The following PARD3B variants were observed in gnomAD, a reference collection of about 807,000 sequenced individuals.
PARD3B encodes the protein partitioning defective 3 homolog B.
In PARD3B, 103 loss-of-function variants were observed where a neutral mutation model predicts 130.2. The observed-to-expected ratio is 0.79, with a 90% CI of 0.67 to 0.93. The LOEUF is 0.93. Among genes scored for constraint, PARD3B ranks in the 40% least tolerant of loss-of-function variants. The pLI, the probability that PARD3B is intolerant of heterozygous loss-of-function variation, is 0.00. For missense variants in PARD3B, 1,609 were observed against 1,499.2 expected (o/e 1.07, Z -1.21); for synonymous variants, 583 against 553.2 (o/e 1.05, Z -0.76).
chr2:205,227,057 G>GA (rs571033759), intron 15 of PARD3B, among the ~76,000 whole-genome samples: 2 of 147,782 alleles, frequency 1.4e-5, no homozygotes, highest in African/African-American at 5.0e-5. Flanking sequence ...TAATTTCAGG[G>GA]TTTTTTTTTT....
chr2:205,030,998 T>C (rs1046311925), intron 3 of PARD3B, among the ~76,000 whole-genome samples: 1 of 152,206 alleles, frequency 6.6e-6, no homozygotes. Flanking sequence ...GAAGACCATT[T>C]AAAAGCTACT....
chr2:205,339,266 T>C (rs1034078652), intron 18 of PARD3B, among the ~76,000 whole-genome samples: 2 of 152,272 alleles, frequency 1.3e-5, no homozygotes, highest in East Asian at 3.9e-4. Context: ...CAACACAAAA[T>C]AAGAAGAAAT....
intron 16 of PARD3B, among the ~76,000 whole-genome samples, chr2:205,271,603 T>A (rs1163803991): frequency 1.3e-5 from 2 of 152,202 alleles, no homozygotes; most frequent in Non-Finnish European, 2.9e-5. Flanking sequence ...TTGGAAAGTA[T>A]GTGAGCTTAG....
intron 18 of PARD3B, among the ~76,000 whole-genome samples, chr2:205,370,602 G>A (rs1265896931): frequency 6.6e-6 from 1 of 152,144 alleles, no homozygotes; most frequent in Non-Finnish European, 1.5e-5. Context: ...ATTGCCAGGA[G>A]GAAGACACAG....
At chr2:204,641,006 A>T (rs2035058573) in intron 1 of PARD3B, among the ~76,000 whole-genome samples, 1 of 147,976 alleles carries the variant, frequency 6.8e-6, no homozygotes, top group South Asian at 2.1e-4. Context: ...CTGTACATAT[A>T]TATGAAAGTA....
chr2:205,178,268 A>AT (rs796521556), intron 13 of PARD3B, among the ~76,000 whole-genome samples: 16 of 149,730 alleles, frequency 1.1e-4, no homozygotes, highest in South Asian at 4.2e-4. Context: ...TAGTATACAG[A>AT]TAAAAAAAAA....
chr2:205,438,210 A>G (rs115115851), intron 19 of PARD3B, among the ~76,000 whole-genome samples: 37 of 152,288 alleles, frequency 2.4e-4, no homozygotes, highest in Non-Finnish European at 3.7e-4. Flanking sequence ...AAGATAAAAT[A>G]TTGCTTGGCA....
chr2:204,970,742 A>G (rs1402874743), intron 3 of PARD3B, among the ~76,000 whole-genome samples: 2 of 152,250 alleles, frequency 1.3e-5, no homozygotes, highest in African/African-American at 4.8e-5. Flanking sequence ...TTTTCAGGAT[A>G]AAAAGTACTT....
At chr2:204,591,064 T>C (rs1574510379) in intron 1 of PARD3B, among the ~76,000 whole-genome samples, 1 of 152,334 alleles carries the variant, frequency 6.6e-6, no homozygotes, top group East Asian at 1.9e-4. Context: ...GATTGCCTAC[T>C]TTGTCTTTTG....
intron 1 of PARD3B, among the ~76,000 whole-genome samples, chr2:204,580,700 T>G (rs1481225848): frequency 7.2e-5 from 11 of 152,192 alleles, no homozygotes; most frequent in Non-Finnish European, 1.6e-4. Flanking sequence ...ATATAAGTAT[T>G]GTCCACGTAT....
chr2:205,437,152 G>A (rs1375875523), intron 19 of PARD3B, among the ~76,000 whole-genome samples: 1 of 152,138 alleles, frequency 6.6e-6, no homozygotes, highest in Non-Finnish European at 1.5e-5. Flanking sequence ...TCCGCCTTTA[G>A]GGCTGAGTCC....
At chr2:204,992,560 G>A (rs921316670) in intron 3 of PARD3B, among the ~76,000 whole-genome samples, 1 of 144,200 alleles carries the variant, frequency 6.9e-6, no homozygotes, top group Non-Finnish European at 1.5e-5. Context: ...TGGCGATGCG[G>A]GCTCTTTTTT....
chr2:204,573,717 C>T (rs1341500344), intron 1 of PARD3B, among the ~76,000 whole-genome samples: 1 of 152,170 alleles, frequency 6.6e-6, no homozygotes, highest in Non-Finnish European at 1.5e-5. Flanking sequence ...CATTGAAATA[C>T]ACATCACTGT....
At chr2:205,257,921 C>G (rs1034302629) in intron 16 of PARD3B, among the ~76,000 whole-genome samples, 1 of 152,172 alleles carries the variant, frequency 6.6e-6, no homozygotes, top group Non-Finnish European at 1.5e-5. Context: ...GACCTACACC[C>G]TGGGTGCCTT....
intron 18 of PARD3B, among the ~76,000 whole-genome samples, chr2:205,383,134 AGATAGATC>A (rs776572709): frequency 0.016 from 2,158 of 139,202 alleles, 28 homozygotes; most frequent in Middle Eastern, 0.029. Flanking sequence ...ATAGATAGAT[AGATAGATC>A]GATCTAAACT....
intron 3 of PARD3B, among the ~76,000 whole-genome samples, chr2:204,980,009 A>G (rs967106127): frequency 6.6e-6 from 1 of 152,202 alleles, no homozygotes; most frequent in Non-Finnish European, 1.5e-5. Flanking sequence ...TGCAATAAAG[A>G]ACTTCTGTTC....
intron 18 of PARD3B, among the ~76,000 whole-genome samples, chr2:205,329,988 C>T (rs574231672): frequency 9.1e-4 from 126 of 139,202 alleles, no homozygotes; most frequent in African/African-American, 3.0e-3. Flanking sequence ...AGCAAAACGC[C>T]GTCTCAAAAT....
chr2:205,468,282 T>A (rs2048702742), intron 20 of PARD3B, among the ~76,000 whole-genome samples: 1 of 152,196 alleles, frequency 6.6e-6, no homozygotes, highest in African/African-American at 2.4e-5. Flanking sequence ...CTCATTTAGC[T>A]ACAAACTTTT....
At chr2:204,685,434 G>C (rs1036666700) in intron 1 of PARD3B, among the ~76,000 whole-genome samples, 1 of 152,172 alleles carries the variant, frequency 6.6e-6, no homozygotes, top group Non-Finnish European at 1.5e-5. Context: ...TAGGCAGTAC[G>C]TAAGTAACTG....
Sources: allele counts gnomAD v4.1 joint callset (sites outside exome capture counted in the v4.1 genomes callset), GRCh38; gene constraint gnomAD v4.1.1; transcripts MANE v1.5; gene names NCBI Gene and HGNC (gene_info 2026-07-23, HGNC 2026-07-21).